The following WAC variants were observed in gnomAD, a reference collection of about 807,000 sequenced individuals.
The protein encoded by WAC is WW domain-containing adapter protein with coiled-coil.
Under a neutral mutation model 79.6 loss-of-function variants are expected in WAC, and 11 were observed. The observed-to-expected ratio is 0.14, with a 90% CI of 0.09 to 0.23. The LOEUF is 0.23. WAC is among the 10% of genes least tolerant of loss of function. The pLI, the probability that WAC is intolerant of heterozygous loss-of-function variation, is 1.00. For synonymous variants in WAC, 304 were observed against 276.9 expected (o/e 1.10, Z -0.97); for missense variants, 728 against 773.5 (o/e 0.94, Z 0.70).
At chr10:28,575,823 C>T (rs536205432) in intron 3 of WAC, among the ~76,000 whole-genome samples, 16 of 152,044 alleles carry the variant, frequency 1.1e-4, no homozygotes, top group African/African-American at 3.9e-4. Context: ...TTGCACGTGC[C>T]GCCTCCCATT....
chr10:28,568,076 A>G (rs1242428021), intron 3 of WAC, among the ~76,000 whole-genome samples: 2 of 152,228 alleles, frequency 1.3e-5, no homozygotes, highest in Non-Finnish European at 2.9e-5. Context: ...ACCATTTGTC[A>G]GAGACGGTTT....
chr10:28,598,614 A>G (rs772060154), intron 7 of WAC, among the ~76,000 whole-genome samples: 4 of 152,240 alleles, frequency 2.6e-5, no homozygotes, highest in Non-Finnish European at 5.9e-5. Flanking sequence ...AGGGAAGGTA[A>G]TATCTCTTAT....
At chr10:28,545,040 C>CAAAA in intron 3 of WAC, among the ~76,000 whole-genome samples, 1 of 114,498 alleles carries the variant, frequency 8.7e-6, no homozygotes. Flanking sequence ...GACTCTGTCT[C>CAAAA]AAAAAAAAAA....
chr10:28,575,922 C>CT (rs1839222655), intron 3 of WAC, among the ~76,000 whole-genome samples: 1 of 152,154 alleles, frequency 6.6e-6, no homozygotes, highest in South Asian at 2.1e-4. Flanking sequence ...TGTACCTTTT[C>CT]TATGTTTAGA....
chr10:28,597,124 C>T (rs181285898), intron 7 of WAC, among the ~76,000 whole-genome samples: 2 of 151,990 alleles, frequency 1.3e-5, no homozygotes, highest in South Asian at 2.1e-4. Flanking sequence ...GTTATTCAAC[C>T]ATATACTTTA....
chr10:28,614,137 G>T (rs1037657260), intron 10 of WAC, among the ~76,000 whole-genome samples: 21 of 151,574 alleles, frequency 1.4e-4, no homozygotes, highest in Admixed American at 3.3e-4. Flanking sequence ...ACGGAGTCTC[G>T]TTCTGTCGCC....
At chr10:28,598,430 A>G (rs569098795) in intron 7 of WAC, among the ~76,000 whole-genome samples, 134 of 152,284 alleles carry the variant, frequency 8.8e-4, no homozygotes, top group African/African-American at 3.0e-3. Flanking sequence ...CTTTTGTTAC[A>G]ACACTTAAAC....
rs1048816146 is a variant in WAC at position 28,533,556 on chromosome 10, C to A, written c.-24C>A. The A allele has an allele frequency of 1.3e-6, 2 of 1,481,908 alleles. No individual in the cohort carries two copies. Among genetic ancestry groups the A allele is most frequent in the Middle Eastern group, 1.8e-4 (1 of 5,518 alleles). The allele number at this position is 1,481,908 out of a possible 1,614,324, so 91.8% of individuals were successfully genotyped here. ...CGCGGCCGCTCTCCCCCCTCCCCGA[C>A]ACACACTCACAGGCCGGGCATTGAT... is the stretch of plus-strand genomic sequence containing the variant. On this transcript the variant is annotated 5_prime_UTR_variant, in exon 1 of 14. Transcript: ENST00000354911.
intron 6 of WAC, among the ~76,000 whole-genome samples, chr10:28,593,647 A>C (rs367798072): frequency 6.6e-6 from 1 of 151,824 alleles, no homozygotes; most frequent in African/African-American, 2.4e-5. Flanking sequence ...GCGCGCCTGT[A>C]ATCCCAGCCA....
At position 28,622,416 on chromosome 10, in the gene WAC, C is replaced by T. The variant is rs1841724385; in HGVS notation, c.*2810C>T. On this transcript the variant is annotated 3_prime_UTR_variant, in exon 14 of 14. Transcript: ENST00000354911. ...CTCTAGGGAACTTGAGTGGCCTTTC[C>T]CTCCCCCTGCCCCCCCCCCCCCCCC... 1 of 16,992 alleles carries T rather than the reference C, an allele frequency of 5.9e-5. No homozygotes were observed. Among genetic ancestry groups the T allele is most frequent in the African/African-American group, 2.3e-4 (1 of 4,336 alleles). The allele number at this position is 16,992 out of a possible 1,614,324, so 1.1% of individuals were successfully genotyped here. A position where few individuals can be genotyped will look rare whatever the true frequency, so the allele number is the denominator to read the frequency against.
intron 7 of WAC, among the ~76,000 whole-genome samples, chr10:28,604,900 T>C (rs371210929): frequency 1.3e-5 from 2 of 152,204 alleles, no homozygotes; most frequent in African/African-American, 4.8e-5. Context: ...ACTTCTACCT[T>C]TTATACTATT....
intron 7 of WAC, among the ~76,000 whole-genome samples, chr10:28,597,230 A>G (rs997728634): frequency 1.3e-5 from 2 of 152,214 alleles, no homozygotes; most frequent in Admixed American, 6.5e-5. Context: ...CATACATAAA[A>G]TGTCAGATTT....
chr10:28,534,019 C>T lies in WAC; in HGVS notation c.63C>T (p.Asp21=), dbSNP rs770378490. 1.3e-6 allele frequency: 2 copies of T among 1,599,722 alleles called. No homozygotes were observed. The highest frequency in any genetic ancestry group is 1.4e-5 in the African/African-American group (1 of 72,840). Residue 21 remains aspartate (D), a synonymous_variant, in exon 2 of 14, where the codon GAC becomes GAT. Transcript: ENST00000354911. Reference sequence around the variant, plus strand: ...TCAGCTGTCACGACCGGAGGGGGGACTCGCAGCCTTACCAGGTACCAGCCG... The same window carrying T: ...TCAGCTGTCACGACCGGAGGGGGGATTCGCAGCCTTACCAGGTACCAGCCG... ...LSDGCHDRRG[D]SQPYQALKYS... is the part of the protein sequence containing the mutation.
intron 12 of WAC, among the ~76,000 whole-genome samples, chr10:28,617,049 CT>C (rs1185475449): frequency 6.6e-6 from 1 of 152,174 alleles, no homozygotes; most frequent in African/African-American, 2.4e-5. Context: ...CACCACTGTA[CT>C]CCAGCCTGGG....
chr10:28,563,744 CTTTTTT>C lies in WAC; in HGVS notation c.275-19631_275-19626del, dbSNP rs71281550. ...ACAAGTGCATGCTGCCTACACCCAGCTTTTTTTTTTTTTTTTTTTTTTTTTTTTTGT... is the reference window on the plus strand; with the variant it reads ...ACAAGTGCATGCTGCCTACACCCAGCTTTTTTTTTTTTTTTTTTTTTTTGT... On this transcript the variant is annotated intron_variant, in intron 3 of 13. Coordinates refer to ENST00000354911, the MANE Select transcript of WAC (RefSeq NM_016628.5). 1.2e-3 allele frequency among the ~76,000 whole-genome samples: 82 copies of C among 67,890 alleles called. 1 individual carries two copies. The highest frequency in any genetic ancestry group is 0.012 in the South Asian group (17 of 1,442). 44.5% of individuals were successfully genotyped at this position (67,890 alleles called of 152,430 possible). A position where few individuals can be genotyped will look rare whatever the true frequency, so the allele number is the denominator to read the frequency against.
intron 3 of WAC, among the ~76,000 whole-genome samples, chr10:28,555,254 A>T (rs965970542): frequency 4.6e-5 from 7 of 152,154 alleles, no homozygotes; most frequent in Admixed American, 2.6e-4. Context: ...ATGAGGCCCT[A>T]CACGTTGTTA....
chr10:28,538,723 C>G (rs140454997), intron 3 of WAC, among the ~76,000 whole-genome samples: 1 of 148,958 alleles, frequency 6.7e-6, no homozygotes, highest in African/African-American at 2.5e-5. Context: ...GACCCTGTGT[C>G]TACTAAAAAA....
chr10:28,538,317 T>A (rs1314274418), intron 3 of WAC: 2 of 337,666 alleles, frequency 5.9e-6, no homozygotes, highest in Non-Finnish European at 1.3e-5. Flanking sequence ...GGTCAGTGGC[T>A]CACGCCGGAA....
At chr10:28,568,952 T>TA (rs1320483308) in intron 3 of WAC, among the ~76,000 whole-genome samples, 2 of 152,190 alleles carry the variant, frequency 1.3e-5, no homozygotes, top group African/African-American at 4.8e-5. Context: ...TGTGATTACA[T>TA]ACAATATATG....
Sources: allele counts gnomAD v4.1 joint callset (sites outside exome capture counted in the v4.1 genomes callset), GRCh38; gene constraint gnomAD v4.1.1; transcripts MANE v1.5; gene names NCBI Gene and HGNC (gene_info 2026-07-23, HGNC 2026-07-21).